Variants in AMMECR1 observed in about 807,000 individuals in gnomAD.
AMMECR1 encodes AMMECR nuclear protein 1, also known as nuclear protein AMMECR1.
A neutral mutation model predicts 22.5 loss-of-function variants in AMMECR1; 3 were observed. The observed-to-expected ratio is 0.13, with a 90% CI of 0.06 to 0.35. The LOEUF (loss-of-function observed/expected upper bound fraction) is 0.35, where lower values mean the gene tolerates loss of function less well. Ranked by LOEUF, AMMECR1 falls within the 10% of genes least tolerant of loss-of-function variation. AMMECR1 has a pLI of 1.00. For synonymous variants in AMMECR1, 130 were observed against 116.7 expected (o/e 1.11, Z -0.74); for missense variants, 235 against 278.7 (o/e 0.84, Z 1.12).
At chrX:110,345,651 A>T (rs1359015171) in intron 2 of AMMECR1, among the ~76,000 whole-genome samples, 5 of 110,688 alleles carry the variant, frequency 4.5e-5, no homozygotes, top group African/African-American at 1.6e-4. Flanking sequence ...TGACGGGATC[A>T]TCCATACCCC....
chrX:110,312,892 T>C lies in AMMECR1; in HGVS notation c.473+4707A>G, dbSNP rs184436803. Reference sequence around the variant, plus strand: ...CAGAGAATGCAAGTTAGTACCGTTATGTTAGTGTGGATAAGGAAATCTGTC... The same window carrying C: ...CAGAGAATGCAAGTTAGTACCGTTACGTTAGTGTGGATAAGGAAATCTGTC... On this transcript the variant is annotated intron_variant, in intron 1 of 5. Coordinates refer to ENST00000262844, the MANE Select transcript of AMMECR1 (RefSeq NM_015365.3). Among the ~76,000 whole-genome samples the C allele has an allele frequency of 1.4e-3, 156 of 112,693 alleles. 2 individuals carry two copies. The highest frequency in any genetic ancestry group is 4.9e-3 in the African/African-American group (153 of 31,052).
In AMMECR1 at chrX:110,318,014, C is replaced by T; in HGVS notation, c.58G>A (p.Gly20Ser). The change falls in exon 1 of 6, where the codon GGC (glycine) becomes AGC (serine). Residue 20 changes from glycine to serine, a missense_variant. Transcript: ENST00000262844. ...GAGGCGCCACCACCGCCACCCGAGC[C>T]AGAGGGGGGCGAACTGGACAGTTTC... ...KQKLSSSPPS[G>S]SGGGGGASSS... The T allele has an allele frequency of 8.3e-7, 1 of 1,206,273 alleles. No individual in the cohort carries two copies. The highest frequency in any genetic ancestry group is 1.7e-5 in the African/African-American group (1 of 57,727).
chrX:110,389,304 T>G (rs760680409), intron 2 of AMMECR1, among the ~76,000 whole-genome samples: 2 of 112,839 alleles, frequency 1.8e-5, no homozygotes, highest in Non-Finnish European at 3.7e-5. Flanking sequence ...TTGTAAAATG[T>G]TGTTTAGGAA....
chrX:110,361,312 C>G (rs2068261904), intron 2 of AMMECR1, among the ~76,000 whole-genome samples: 1 of 111,801 alleles, frequency 8.9e-6, no homozygotes, highest in Non-Finnish European at 1.9e-5. Flanking sequence ...AATCTGACCA[C>G]TTTTTCATTG....
intron 1 of AMMECR1, among the ~76,000 whole-genome samples, chrX:110,304,024 G>GT (rs920372236): frequency 3.1e-4 from 35 of 112,197 alleles, no homozygotes; most frequent in African/African-American, 1.1e-3. Context: ...AATTTTGCTT[G>GT]TTTTTTTCTT....
At chrX:110,417,225 G>T (rs1421888838) in intron 2 of AMMECR1, among the ~76,000 whole-genome samples, 1 of 112,034 alleles carries the variant, frequency 8.9e-6, no homozygotes, top group Admixed American at 9.4e-5. Context: ...AGACAATGGC[G>T]GCTGCTCAGC....
chrX:110,275,294 A>T (rs1225160236), intron 1 of AMMECR1, among the ~76,000 whole-genome samples: 1 of 111,042 alleles, frequency 9.0e-6, no homozygotes, highest in Non-Finnish European at 1.9e-5. Flanking sequence ...GTCTGAAAAA[A>T]ATATATATTT....
At chrX:110,366,798 T>C (rs2068300199) in intron 2 of AMMECR1, among the ~76,000 whole-genome samples, 1 of 112,150 alleles carries the variant, frequency 8.9e-6, no homozygotes, top group South Asian at 3.7e-4. Context: ...CAGTCTCGCT[T>C]TAGATTCAGG....
intron 2 of AMMECR1, among the ~76,000 whole-genome samples, chrX:110,233,332 A>C (rs2067580404): frequency 8.9e-6 from 1 of 112,094 alleles, no homozygotes; most frequent in Admixed American, 9.4e-5. Context: ...AAATTGAGGC[A>C]ATAATTAATA....
chrX:110,425,276 G>T (rs952248110), intron 2 of AMMECR1, among the ~76,000 whole-genome samples: 2 of 112,387 alleles, frequency 1.8e-5, no homozygotes, highest in African/African-American at 6.5e-5. Context: ...AATGATGGGG[G>T]TGTGGCAGGG....
At chrX:110,280,932 A>AT (rs748376182) in intron 1 of AMMECR1, among the ~76,000 whole-genome samples, 29 of 112,031 alleles carry the variant, frequency 2.6e-4, no homozygotes, top group East Asian at 1.7e-3. Context: ...TCTCAGTTTT[A>AT]TTTTCTAAGG....
At chrX:110,234,384 G>A (rs972902180) in intron 2 of AMMECR1, among the ~76,000 whole-genome samples, 8 of 112,088 alleles carry the variant, frequency 7.1e-5, no homozygotes, top group African/African-American at 9.7e-5. Context: ...AATCGATATC[G>A]TGAAAATGGC....
intron 2 of AMMECR1, among the ~76,000 whole-genome samples, chrX:110,247,028 T>G (rs918658592): frequency 1.8e-5 from 2 of 111,907 alleles, no homozygotes; most frequent in Non-Finnish European, 3.8e-5. Flanking sequence ...AAATGACACT[T>G]AAATACACTG....
At chrX:110,354,872 G>C (rs1314128506) in intron 2 of AMMECR1, among the ~76,000 whole-genome samples, 3 of 111,883 alleles carry the variant, frequency 2.7e-5, no homozygotes, top group Non-Finnish European at 5.6e-5. Flanking sequence ...ACCTGAAACT[G>C]TAAAACTACT....
chrX:110,317,523 C>T, intron 1 of AMMECR1, 76 bp downstream of exon 1: 1 of 1,083,877 alleles, frequency 9.2e-7, no homozygotes, highest in Non-Finnish European at 1.2e-6. Flanking sequence ...GGCCGGGAGG[C>T]GGACTCGCAC....
At chrX:110,393,646 C>T (rs2068509558) in intron 2 of AMMECR1, among the ~76,000 whole-genome samples, 1 of 112,091 alleles carries the variant, frequency 8.9e-6, no homozygotes, top group Non-Finnish European at 1.9e-5. Flanking sequence ...CTTGGCCTAC[C>T]CTGGCCTGAG....
At chrX:110,333,364 C>T (rs768637378) in intron 2 of AMMECR1, among the ~76,000 whole-genome samples, 5 of 111,690 alleles carry the variant, frequency 4.5e-5, no homozygotes, top group East Asian at 2.8e-4. Context: ...GAAATAGGGA[C>T]GCTTTTATGC....
At chrX:110,356,120 A>G (rs2068228953) in intron 2 of AMMECR1, among the ~76,000 whole-genome samples, 1 of 107,141 alleles carries the variant, frequency 9.3e-6, no homozygotes, top group Non-Finnish European at 1.9e-5. Flanking sequence ...ATCAAATTAT[A>G]TAAAATTTCA....
chrX:110,198,758 G>C lies in AMMECR1; in HGVS notation c.888-124C>G, dbSNP rs868168049. The stretch of plus-strand genomic sequence containing the variant: ...GGAAACGGGGTCCCAGAGAGAAGCA[G>C]TGACTGCCCAAGGTCACAGAGATAG... On this transcript the variant is annotated intron_variant, in intron 5 of 5. Coordinates refer to ENST00000262844, the MANE Select transcript of AMMECR1 (RefSeq NM_015365.3). 2.5e-5 allele frequency: 12 copies of C among 483,473 alleles called. No individual in the cohort carries two copies. The Middle Eastern group carries it at 4.2e-3, about 168-fold the overall frequency. The allele number at this position is 483,473 out of a possible 1,213,427, so 39.8% of individuals were successfully genotyped here.
Sources: gnomAD v4.1 joint callset for allele counts (sites outside exome capture counted in the v4.1 genomes callset) on GRCh38, gnomAD v4.1.1 for gene constraint, MANE v1.5 for transcripts, NCBI Gene and HGNC (gene_info 2026-07-23, HGNC 2026-07-21) for gene names.